ADAMTS16: variants seen among roughly 807,000 people sequenced by gnomAD.
ADAMTS16 encodes ADAM metallopeptidase with thrombospondin type 1 motif 16, also known as A disintegrin and metalloproteinase with thrombospondin motifs 16.
A neutral mutation model predicts 145.8 loss-of-function variants in ADAMTS16; 94 were observed. The observed-to-expected ratio is 0.64, with a 90% CI of 0.55 to 0.77. ADAMTS16 has a LOEUF of 0.77. ADAMTS16 is among the 30% of genes least tolerant of loss of function. ADAMTS16 has a pLI of 0.00. For missense variants in ADAMTS16, 1,585 were observed against 1,591.5 expected (o/e 1.00, Z 0.07); for synonymous variants, 659 against 604.3 (o/e 1.09, Z -1.33).
rs953251203 is a variant in ADAMTS16 at position 5,319,228 on chromosome 5, C to A, written c.*90C>A. 4.8e-5 allele frequency: 45 copies of A among 939,498 alleles called. No homozygotes were observed. The African/African-American group carries it at 5.5e-4, about 12-fold the overall frequency. 58.2% of individuals were successfully genotyped at this position (939,498 alleles called of 1,614,324 possible). On this transcript the variant is annotated 3_prime_UTR_variant, in exon 23 of 23. Coordinates refer to ENST00000274181, the MANE Select transcript of ADAMTS16 (RefSeq NM_139056.4). ...TGTGCAATCTACGTCGGAATACATC[C>A]AAGGAAGAGCAAAGCCAAAAGAAGA...
At chr5:5,270,470 T>G (rs2126450223) in intron 18 of ADAMTS16, among the ~76,000 whole-genome samples, 1 of 152,326 alleles carries the variant, frequency 6.6e-6, no homozygotes, top group African/African-American at 2.4e-5. Context: ...GGATTCCACG[T>G]AAATGCTCTC....
chr5:5,303,794 G>A, intron 20 of ADAMTS16, 28 bp downstream of exon 20: 1 of 1,606,714 alleles, frequency 6.2e-7, no homozygotes, highest in South Asian at 1.1e-5. Context: ...GCGGGAGCGA[G>A]GTTGACTAGC....
intron 9 of ADAMTS16, among the ~76,000 whole-genome samples, chr5:5,201,556 A>G (rs1048688408): frequency 2.0e-5 from 3 of 152,142 alleles, no homozygotes; most frequent in Admixed American, 2.0e-4. Flanking sequence ...TTTAAGTAAC[A>G]GCTTTAATGA....
At position 5,310,767 on chromosome 5, in the gene ADAMTS16, G is replaced by GT. The variant is rs562538009; in HGVS notation, c.3411+4040dup. 6.6e-5 allele frequency among the ~76,000 whole-genome samples: 10 copies of GT among 152,292 alleles called. No individual in the cohort carries two copies. The South Asian group carries it at 2.1e-3, about 32-fold the overall frequency. The stretch of plus-strand genomic sequence containing the variant: ...TTTTGGATTTCTGGCGTCCTAAACT[G>GT]TGAAAGAATAAATTTCTGTTATTTT... On this transcript the variant is annotated intron_variant, in intron 21 of 22. Transcript: ENST00000274181. This position sits in a 1 kb window ranked among gnomAD's most constrained non-coding sequence, Gnocchi z 4.3.
intron 18 of ADAMTS16, among the ~76,000 whole-genome samples, chr5:5,265,936 G>T (rs1264830286): frequency 6.6e-6 from 1 of 151,882 alleles, no homozygotes. Context: ...TCAAGGCACC[G>T]AGTTACCAGT....
chr5:5,290,388 C>T (rs1423665109), intron 18 of ADAMTS16, among the ~76,000 whole-genome samples: 2 of 152,198 alleles, frequency 1.3e-5, no homozygotes, highest in African/African-American at 2.4e-5. Context: ...GGCGTGGTGG[C>T]TCATGCGTGT....
chr5:5,309,855 TGC>T (rs1491384367), intron 21 of ADAMTS16, among the ~76,000 whole-genome samples: 5 of 149,802 alleles, frequency 3.3e-5, no homozygotes, highest in African/African-American at 1.2e-4. Context: ...TGTGTGTGTG[TGC>T]ATGTGATCAG....
intron 1 of ADAMTS16, 34 bp downstream of exon 1, chr5:5,140,573 C>G (rs1350933460): frequency 1.3e-6 from 2 of 1,501,290 alleles, no homozygotes; most frequent in Non-Finnish European, 1.8e-6. Context: ...GCGCGGAAAC[C>G]GCGGGTCCGG....
At chr5:5,221,566 T>G (rs1042945154) in intron 10 of ADAMTS16, among the ~76,000 whole-genome samples, 2 of 152,208 alleles carry the variant, frequency 1.3e-5, no homozygotes, top group Non-Finnish European at 2.9e-5. Flanking sequence ...ATGAAAGCAA[T>G]TGATATCTGA....
intron 17 of ADAMTS16, among the ~76,000 whole-genome samples, chr5:5,254,328 C>T (rs535270472): frequency 7.2e-5 from 11 of 152,180 alleles, no homozygotes; most frequent in Admixed American, 3.3e-4. Flanking sequence ...AACTTTCATG[C>T]GCCCTATATT....
At chr5:5,224,438 C>T (rs1410442098) in intron 11 of ADAMTS16, among the ~76,000 whole-genome samples, 4 of 152,010 alleles carry the variant, frequency 2.6e-5, no homozygotes, top group African/African-American at 4.8e-5. Context: ...TATAGGCGCC[C>T]GCCACCACAC....
intron 14 of ADAMTS16, among the ~76,000 whole-genome samples, chr5:5,238,457 T>G (rs572285638): frequency 2.0e-5 from 3 of 152,208 alleles, no homozygotes; most frequent in African/African-American, 7.2e-5. Context: ...CTTTTAGACA[T>G]AGGTCTAAAA....
rs1028632847 is a variant in ADAMTS16 at position 5,286,891 on chromosome 5, T to C, written c.2790-16377T>C. The stretch of plus-strand genomic sequence containing the variant: ...AAAAAAAAAAAAAAAAAAGAGTTTT[T>C]ATAACCCTTTAGTATGTGCTAACAT... On this transcript the variant is annotated intron_variant, in intron 18 of 22. Transcript: ENST00000274181. Among the ~76,000 whole-genome samples, 4 of 146,518 alleles carry C rather than the reference T, an allele frequency of 2.7e-5. 1 individual carries two copies. Among genetic ancestry groups the C allele is most frequent in the African/African-American group, 1.0e-4 (4 of 40,142 alleles).
At chr5:5,285,017 G>T (rs532331170) in intron 18 of ADAMTS16, among the ~76,000 whole-genome samples, 3 of 152,260 alleles carry the variant, frequency 2.0e-5, no homozygotes, top group East Asian at 3.9e-4. Context: ...TGGTTCTTTT[G>T]AGATGTTCAC....
chr5:5,215,839 GT>G (rs1736416318), intron 10 of ADAMTS16, among the ~76,000 whole-genome samples: 1 of 118,296 alleles, frequency 8.5e-6, no homozygotes, highest in Non-Finnish European at 1.6e-5. Context: ...TATATGTGGT[GT>G]GTATATATAT....
At chr5:5,279,619 G>A (rs1560984704) in intron 18 of ADAMTS16, among the ~76,000 whole-genome samples, 3 of 146,054 alleles carry the variant, frequency 2.1e-5, no homozygotes, top group Admixed American at 1.4e-4. Context: ...GTAGACAAAT[G>A]TTATGATGTT....
chr5:5,158,396 C>G (rs1025450095), intron 3 of ADAMTS16, among the ~76,000 whole-genome samples: 1 of 152,120 alleles, frequency 6.6e-6, no homozygotes, highest in African/African-American at 2.4e-5. Flanking sequence ...GATGCTAGTT[C>G]TATCTGTACT....
chr5:5,263,877 C>T (rs1367305847), intron 18 of ADAMTS16, among the ~76,000 whole-genome samples: 1 of 152,168 alleles, frequency 6.6e-6, no homozygotes, highest in Non-Finnish European at 1.5e-5. Context: ...GCCCCGAGCT[C>T]TTGTCCACCA....
intron 11 of ADAMTS16, among the ~76,000 whole-genome samples, chr5:5,229,144 A>G (rs904841552): frequency 1.3e-5 from 2 of 150,872 alleles, no homozygotes; most frequent in Non-Finnish European, 3.0e-5. Flanking sequence ...TAAAAATACA[A>G]AAAATTAGCC....
Sources: gnomAD v4.1 joint callset for allele counts (sites outside exome capture counted in the v4.1 genomes callset) on GRCh38, gnomAD v4.1.1 for gene constraint, Gnocchi (gnomAD v3.1) non-coding constraint, MANE v1.5 for transcripts, NCBI Gene and HGNC (gene_info 2026-07-23, HGNC 2026-07-21) for gene names.